Variants in MCPH1 observed in about 807,000 individuals in gnomAD.
MCPH1 encodes microcephalin 1, also known as microcephalin.
A neutral mutation model predicts 84.5 loss-of-function variants in MCPH1; 104 were observed. The observed-to-expected ratio is 1.23, with a 90% confidence interval of 1.05 to 1.45. MCPH1 has a LOEUF of 1.45. Among genes scored for constraint, MCPH1 ranks in the 40% most tolerant of loss-of-function variants. The pLI is 0.00. For synonymous variants in MCPH1, 514 were observed against 366.8 expected (o/e 1.40, Z -4.58); for missense variants, 1,498 against 1,005.7 (o/e 1.49, Z -6.62).
At chr8:6,493,334 C>T (rs1810864587) in intron 11 of MCPH1, among the ~76,000 whole-genome samples, 1 of 152,124 alleles carries the variant, frequency 6.6e-6, no homozygotes, top group African/African-American at 2.4e-5. Context: ...ATAAATTGAA[C>T]TTAAATGTTT....
chr8:6,412,187 C>T (rs1184842410), intron 2 of MCPH1, among the ~76,000 whole-genome samples: 2 of 152,096 alleles, frequency 1.3e-5, no homozygotes, highest in African/African-American at 4.8e-5. Context: ...AGGGCCTGCA[C>T]TGCAGGAGGG....
At chr8:6,595,850 C>T (rs11777882) in intron 12 of MCPH1, among the ~76,000 whole-genome samples, 39,061 of 152,028 alleles carry the variant, frequency 0.26, 6,293 homozygotes, top group Admixed American at 0.39. Context: ...GGGCAGGCAA[C>T]GGCCCTTTAC....
rs1585980731 is a variant in MCPH1, at chr8:6,473,749, G to C, written c.1936-3845G>C. On this transcript the variant is annotated intron_variant, in intron 9 of 13. Transcript: ENST00000344683. ...TCCGCCTGCTGGTCCTGCAACATGA[G>C]TTTAATAAAGCGTTCCTGATACTTA... is the stretch of plus-strand genomic sequence containing the variant. 2.2e-5 allele frequency: 14 copies of C among 646,860 alleles called. No individual in the cohort carries two copies. In the East Asian group the frequency reaches 3.8e-4, roughly 17 times the overall value. 40.1% of individuals were successfully genotyped at this position (646,860 alleles called of 1,614,324 possible). A position where few individuals can be genotyped will look rare whatever the true frequency, so the allele number is the denominator to read the frequency against.
At chr8:6,549,298 A>G (rs1020545375) in intron 12 of MCPH1, among the ~76,000 whole-genome samples, 9 of 152,272 alleles carry the variant, frequency 5.9e-5, no homozygotes, top group African/African-American at 2.2e-4. Context: ...AAACTTTAAC[A>G]TGCACAACAA....
At chr8:6,519,186 C>T (rs1043392912) in intron 12 of MCPH1, among the ~76,000 whole-genome samples, 6 of 152,216 alleles carry the variant, frequency 3.9e-5, no homozygotes, top group African/African-American at 7.2e-5. Context: ...CCTTCCCCAG[C>T]GGTTCTCATG....
rs377311137 is a variant in MCPH1 at position 6,562,947 on chromosome 8, A to C, written c.2215-58507A>C. The C allele has an allele frequency of 3.4e-5, 54 of 1,570,478 alleles. No homozygotes were observed. In the African/African-American group the frequency reaches 6.9e-4, roughly 20 times the overall value. Reference sequence around the variant, plus strand: ...CAATCTGCCACATTCTTTCTTCAGTAATAAACCAGCAGCTTAGCAAACTTG... The same window carrying C: ...CAATCTGCCACATTCTTTCTTCAGTCATAAACCAGCAGCTTAGCAAACTTG... On this transcript the variant is annotated intron_variant, in intron 12 of 13. Transcript: ENST00000344683.
intron 12 of MCPH1, chr8:6,502,078 G>A (rs927527068): frequency 1.3e-5 from 2 of 151,918 alleles, no homozygotes; most frequent in African/African-American, 4.8e-5. Context: ...AAATTAAATT[G>A]TAGTCTAGTT....
At chr8:6,574,456 A>G (rs1826906438) in intron 12 of MCPH1, among the ~76,000 whole-genome samples, 1 of 152,208 alleles carries the variant, frequency 6.6e-6, no homozygotes, top group Non-Finnish European at 1.5e-5. Flanking sequence ...CGCTACTTCC[A>G]AATAAGCCCA....
At chr8:6,517,099 A>G (rs1209967859) in intron 12 of MCPH1, among the ~76,000 whole-genome samples, 1 of 152,244 alleles carries the variant, frequency 6.6e-6, no homozygotes, top group African/African-American at 2.4e-5. Flanking sequence ...AAATAGAGTT[A>G]TCTACCCAGC....
chr8:6,627,064 G>A (rs1230933388), intron 13 of MCPH1: 56 of 984,754 alleles, frequency 5.7e-5, no homozygotes, highest in East Asian at 1.1e-4. Context: ...GTCCCATGTC[G>A]ATGTTTTCAG....
chr8:6,548,506 A>T (rs1022143663), intron 12 of MCPH1, among the ~76,000 whole-genome samples: 6 of 152,154 alleles, frequency 3.9e-5, no homozygotes, highest in African/African-American at 1.2e-4. Flanking sequence ...ATTGCAGCTT[A>T]CTTGCATTTC....
At chr8:6,596,058 T>C (rs1414509475) in intron 12 of MCPH1, among the ~76,000 whole-genome samples, 1 of 152,246 alleles carries the variant, frequency 6.6e-6, no homozygotes, top group Non-Finnish European at 1.5e-5. Flanking sequence ...TTCTGTGTCC[T>C]TCAGCACAGT....
intron 9 of MCPH1, among the ~76,000 whole-genome samples, chr8:6,460,928 C>G (rs1806210089): frequency 6.6e-6 from 1 of 152,162 alleles, no homozygotes; most frequent in Non-Finnish European, 1.5e-5. Flanking sequence ...AGTGAGGAGC[C>G]TATTTCAAAC....
chr8:6,439,168 C>G, intron 6 of MCPH1, 72 bp downstream of exon 6: 3 of 1,455,110 alleles, frequency 2.1e-6, no homozygotes, highest in South Asian at 1.2e-5. Context: ...CTTCTTTTTT[C>G]TTTGCCTAGA....
rs1798267364 is a variant in MCPH1 at position 6,647,479 on chromosome 8, G to T, written c.*4430G>T. The T allele has an allele frequency of 6.6e-6, 1 of 152,166 alleles. No individual in the cohort carries two copies. Among genetic ancestry groups the T allele is most frequent in the Admixed American group, 6.5e-5 (1 of 15,280 alleles). 9.4% of individuals were successfully genotyped at this position (152,166 alleles called of 1,614,324 possible). A position where few individuals can be genotyped will look rare whatever the true frequency, so the allele number is the denominator to read the frequency against. On this transcript the variant is annotated 3_prime_UTR_variant, in exon 14 of 14. Transcript: ENST00000344683. ...TCTGCACAAGGTCTTGTATACAAAT[G>T]TTCATAGCAACATTATTCATAATAA...
At position 6,445,551 on chromosome 8, in the gene MCPH1, TG is replaced by T; in HGVS notation, c.1825+5del. Reference sequence around the variant, plus strand: ...TTACCCGGAGGATACAGTGGAAGTATGTGAATCTCCTTTTCCAAGTCACCTT... The same window carrying T: ...TTACCCGGAGGATACAGTGGAAGTATTGAATCTCCTTTTCCAAGTCACCTT... On this transcript the variant is annotated splice_donor_5th_base_variant and intron_variant, in intron 8 of 13. Coordinates refer to ENST00000344683, the MANE Select transcript of MCPH1 (RefSeq NM_024596.5). 1 of 1,575,160 alleles carries T rather than the reference TG, an allele frequency of 6.3e-7. No homozygotes were observed. The highest frequency in any genetic ancestry group is 8.6e-7 in the Non-Finnish European group (1 of 1,163,698).
At chr8:6,546,901 C>A (rs180903114) in intron 12 of MCPH1, among the ~76,000 whole-genome samples, 1 of 152,156 alleles carries the variant, frequency 6.6e-6, no homozygotes, top group African/African-American at 2.4e-5. Flanking sequence ...TGTACCCTTC[C>A]GTGTTTTCCT....
At chr8:6,410,905 C>T (rs945287676) in intron 2 of MCPH1, among the ~76,000 whole-genome samples, 4 of 152,076 alleles carry the variant, frequency 2.6e-5, no homozygotes, top group Admixed American at 2.6e-4. Context: ...GCCTGGCCAA[C>T]ATAGTGAAAC....
chr8:6,453,461 T>C (rs1304869958), intron 8 of MCPH1, among the ~76,000 whole-genome samples: 4 of 152,172 alleles, frequency 2.6e-5, no homozygotes, highest in African/African-American at 7.2e-5. Context: ...CTTAGAACTT[T>C]ATGTTTATAA....
Sources: gnomAD v4.1 joint callset for allele counts (sites outside exome capture counted in the v4.1 genomes callset) on GRCh38, gnomAD v4.1.1 for gene constraint, MANE v1.5 for transcripts, NCBI Gene and HGNC (gene_info 2026-07-23, HGNC 2026-07-21) for gene names.